Variants in CSGALNACT2 observed in about 807,000 individuals in gnomAD.
The protein encoded by CSGALNACT2 is beta 4 GalNAcT-2.
CSGALNACT2 carries 35 observed loss-of-function variants against 55.3 expected under a neutral mutation model. The ratio of observed to expected loss-of-function variants is 0.63; its 90% CI spans 0.48 to 0.84. The LOEUF (loss-of-function observed/expected upper bound fraction) is 0.84. CSGALNACT2 is among the 40% of genes least tolerant of loss of function. CSGALNACT2 has a pLI of 0.00. For synonymous variants in CSGALNACT2, 196 were observed against 224.9 expected, an observed-to-expected ratio of 0.87 and a Z score of 1.15; for missense variants, 544 against 657.5, an observed-to-expected ratio of 0.83 and a Z score of 1.89.
chr10:43,174,537 C>T (rs1004069628), intron 6 of CSGALNACT2, among the ~76,000 whole-genome samples: 2 of 152,156 alleles, frequency 1.3e-5, no homozygotes, highest in African/African-American at 2.4e-5. Flanking sequence ...CTGTTCAGGA[C>T]GGAAGCCTGC....
At chr10:43,164,565 A>G (rs1215279751) in intron 5 of CSGALNACT2, among the ~76,000 whole-genome samples, 1 of 152,140 alleles carries the variant, frequency 6.6e-6, no homozygotes, top group Non-Finnish European at 1.5e-5. Flanking sequence ...AATTAATGAG[A>G]TAGCCAGGTG....
chr10:43,149,113 C>T (rs572050401), intron 1 of CSGALNACT2, among the ~76,000 whole-genome samples: 6 of 152,086 alleles, frequency 3.9e-5, no homozygotes, highest in Non-Finnish European at 8.8e-5. Flanking sequence ...GATGGAGTCT[C>T]GCTTTGTCGC....
In CSGALNACT2 at chr10:43,155,565, T is replaced by G. The variant is rs374031130; in HGVS notation, c.416T>G (p.Leu139Arg). The G allele has an allele frequency of 1.2e-6, 2 of 1,614,108 alleles. No homozygotes were observed. Among genetic ancestry groups the G allele is most frequent in the Non-Finnish European group, 1.7e-6 (2 of 1,180,050 alleles). Residue 139 changes from leucine (L) to arginine (R), a missense_variant, in exon 2 of 8, where the codon CTA (leucine) becomes CGA (arginine). Physicochemically the swap from Leu to Arg is moderately radical, Grantham distance 102. Coordinates refer to ENST00000374466, the MANE Select transcript of CSGALNACT2 (RefSeq NM_018590.5). ...GCTGAAGTTAGCATAGGGGCCAAAC[T>G]ACCCAGTGAGTATGGGGTCATTCCC... ...DKAEVSIGAK[L>R]PSEYGVIPFE... is the part of the protein sequence containing the mutation.
In CSGALNACT2 at chr10:43,184,401, C is replaced by T. The variant is rs958383283; in HGVS notation, c.*859C>T. On this transcript the variant is annotated 3_prime_UTR_variant, in exon 8 of 8. Coordinates refer to ENST00000374466, the MANE Select transcript of CSGALNACT2 (RefSeq NM_018590.5). ...CCCATGGTGGTTCAGAATAGATGAGCATAGCATGGTTTTGTTTGTTTTTGC... is the reference window on the plus strand; with the variant it reads ...CCCATGGTGGTTCAGAATAGATGAGTATAGCATGGTTTTGTTTGTTTTTGC... 2.6e-5 allele frequency: 4 copies of T among 152,218 alleles called. No homozygotes were observed. The highest frequency in any genetic ancestry group is 9.6e-5 in the African/African-American group (4 of 41,462). The allele number at this position is 152,218 out of a possible 1,614,324, so 9.4% of individuals were successfully genotyped here.
intron 1 of CSGALNACT2, among the ~76,000 whole-genome samples, chr10:43,140,919 CCAAA>C (rs1184448448): frequency 1.1e-4 from 16 of 152,264 alleles, no homozygotes; most frequent in African/African-American, 3.6e-4. Context: ...AAGCTTCAGA[CCAAA>C]CAAATACAGA....
intron 1 of CSGALNACT2, among the ~76,000 whole-genome samples, chr10:43,140,945 A>G (rs1588887179): frequency 2.6e-5 from 4 of 152,396 alleles, no homozygotes; most frequent in Admixed American, 2.6e-4. Context: ...CTAGGCACTG[A>G]AGCAGTGGAG....
rs1485650381 is a variant in CSGALNACT2 at position 43,167,078 on chromosome 10, C to T, written c.1234C>T (p.Pro412Ser). Residue 412 changes from proline (P) to serine (S), a missense_variant, in exon 6 of 8, where the codon CCA becomes TCA. Pro to Ser is a moderately conservative substitution (Grantham distance 74). Around this residue, in one of 2 missense-constraint regions of CSGALNACT2, gnomAD observed 170 missense variants for 256.2 expected, o/e 0.66. Transcript: ENST00000374466. ...TGTTTATGCCAACCAGGAAGTGCCA[C>T]CACCTGTGGAGCAGCAGCTGGTGAG... ...AIVYANQEVP[P>S]PVEQQLVHKK... 6.2e-7 allele frequency: 1 copy of T among 1,610,938 alleles called. No homozygotes were observed. The highest frequency in any genetic ancestry group is 8.5e-7 in the Non-Finnish European group (1 of 1,177,200).
At chr10:43,141,915 CAAG>C (rs918446070) in intron 1 of CSGALNACT2, among the ~76,000 whole-genome samples, 2 of 152,136 alleles carry the variant, frequency 1.3e-5, no homozygotes, top group African/African-American at 2.4e-5. Context: ...TGGGGACGAA[CAAG>C]AAGTATGCCT....
Position 43,164,044 on chromosome 10 carries a change from G to A in CSGALNACT2, c.1159G>A (p.Gly387Ser). ...CAGCTGCCGGTTAAATGCTGAGCCA[G>A]GTGCGTAAAATGTTGGTAGATGAGC... The part of the protein sequence containing the change: ...LNSCRLNAEP[G>S]KKVFYPVVFS... Residue 387 changes from glycine (G) to serine (S), a missense_variant and splice_region_variant, in exon 5 of 8, where the codon GGT becomes AGT. This residue lies in a region of CSGALNACT2 where 170 missense variants were observed against 256.2 expected (regional missense o/e 0.66). Transcript: ENST00000374466. 2 of 1,610,660 alleles carry A rather than the reference G, an allele frequency of 1.2e-6. No homozygotes were observed. The highest frequency in any genetic ancestry group is 1.7e-6 in the Non-Finnish European group (2 of 1,177,804).
At chr10:43,142,170 CTTTTTATTT>C (rs1838642172) in intron 1 of CSGALNACT2, among the ~76,000 whole-genome samples, 1 of 151,938 alleles carries the variant, frequency 6.6e-6, no homozygotes, top group South Asian at 2.1e-4. Context: ...GGCTTTTACA[CTTTTTATTT>C]TTTTTATTTT....
chr10:43,169,733 GGA>G (rs1391537079), intron 6 of CSGALNACT2, among the ~76,000 whole-genome samples: 3 of 152,150 alleles, frequency 2.0e-5, no homozygotes, highest in Non-Finnish European at 2.9e-5. Flanking sequence ...TCTGGTGTTT[GGA>G]GAACAACAGT....
chr10:43,177,955 C>T (rs924282819), intron 7 of CSGALNACT2, among the ~76,000 whole-genome samples: 4 of 152,128 alleles, frequency 2.6e-5, no homozygotes, highest in South Asian at 4.1e-4. Context: ...CTAGTATCAC[C>T]CATGATAGTG....
chr10:43,174,492 G>A (rs1839442123), intron 6 of CSGALNACT2, among the ~76,000 whole-genome samples: 1 of 152,058 alleles, frequency 6.6e-6, no homozygotes, highest in South Asian at 2.1e-4. Flanking sequence ...CCTTCCCCTG[G>A]GCTTCATCTT....
At chr10:43,149,331 C>A (rs1442393730) in intron 1 of CSGALNACT2, among the ~76,000 whole-genome samples, 2 of 152,172 alleles carry the variant, frequency 1.3e-5, no homozygotes, top group African/African-American at 4.8e-5. Context: ...GTGGGATCTG[C>A]CCACCTCGGC....
chr10:43,164,147 AC>A, intron 5 of CSGALNACT2, 103 bp downstream of exon 5: 1 of 924,000 alleles, frequency 1.1e-6, no homozygotes, highest in East Asian at 2.7e-5. Context: ...TTTTAGTTAA[AC>A]CCCAGTATTT....
Position 43,142,601 on chromosome 10 carries a change from A to G in CSGALNACT2, c.-254+4034A>G, listed in dbSNP as rs143503621. Among the ~76,000 whole-genome samples the G allele has an allele frequency of 4.2e-3, 645 of 152,360 alleles. 2 individuals carry two copies. Among genetic ancestry groups the G allele is most frequent in the Non-Finnish European group, 6.7e-3 (459 of 68,042 alleles). On this transcript the variant is annotated intron_variant, in intron 1 of 7. Coordinates refer to ENST00000374466, the MANE Select transcript of CSGALNACT2 (RefSeq NM_018590.5). ...TTTCAGTGTCCCTTGGAACACAACT[A>G]TACTCATTCACTTACATATCATCTG...
intron 6 of CSGALNACT2, 100 bp from the exon 7 acceptor site, chr10:43,175,851 G>GA (rs1839469967): frequency 6.8e-6 from 7 of 1,030,326 alleles, no homozygotes; most frequent in Non-Finnish European, 1.0e-5. Context: ...TAAATGACAG[G>GA]AAAAAAGTAT....
rs1839622342 is a variant in CSGALNACT2, at chr10:43,183,099, G to A, written c.1337-151G>A. ...GCTCAAAACTGGACTTCCGGTGACTGGGAGTCACTCCTCCATGCCAGGTGT... is the reference window on the plus strand; with the variant it reads ...GCTCAAAACTGGACTTCCGGTGACTAGGAGTCACTCCTCCATGCCAGGTGT... On this transcript the variant is annotated intron_variant, in intron 7 of 7. Coordinates refer to ENST00000374466, the MANE Select transcript of CSGALNACT2 (RefSeq NM_018590.5). 13 of 652,654 alleles carry A rather than the reference G, an allele frequency of 2.0e-5. No individual in the cohort carries two copies. The South Asian group carries it at 2.3e-4, about 12-fold the overall frequency. The allele number at this position is 652,654 out of a possible 1,614,324, so 40.4% of individuals were successfully genotyped here. A position where few individuals can be genotyped will look rare whatever the true frequency, so the allele number is the denominator to read the frequency against.
chr10:43,177,694 T>C (rs1350571289), intron 7 of CSGALNACT2, among the ~76,000 whole-genome samples: 1 of 152,254 alleles, frequency 6.6e-6, no homozygotes, highest in Non-Finnish European at 1.5e-5. Context: ...TTGTTTCTAC[T>C]TTTTGGCTAT....
Sources: gnomAD v4.1 joint callset for allele counts (sites outside exome capture counted in the v4.1 genomes callset) on GRCh38, gnomAD v4.1.1 for gene constraint, gnomAD v4.1.1 regional missense constraint, MANE v1.5 for transcripts, NCBI Gene and HGNC (gene_info 2026-07-23, HGNC 2026-07-21) for gene names.